The following PRDM16 variants were observed in gnomAD, a reference collection of about 807,000 sequenced individuals.
The protein encoded by PRDM16 is histone-lysine N-methyltransferase PRDM16.
Under a neutral mutation model 110.6 loss-of-function variants are expected in PRDM16, and 23 were observed. The observed-to-expected ratio is 0.21, with a 90% CI of 0.15 to 0.29. The LOEUF (loss-of-function observed/expected upper bound fraction) is 0.29. Among genes scored for constraint, PRDM16 ranks in the 10% least tolerant of loss-of-function variants. The pLI is 1.00. For missense variants in PRDM16, 1,615 were observed against 1,794.3 expected (o/e 0.90, Z 1.81); for synonymous variants, 799 against 781.8 (o/e 1.02, Z -0.37).
intron 5 of PRDM16, among the ~76,000 whole-genome samples, chr1:3,399,552 C>T (rs1051668930): frequency 1.3e-5 from 2 of 152,098 alleles, no homozygotes; most frequent in Non-Finnish European, 2.9e-5. Flanking sequence ...CTGATGGGGG[C>T]CCAGCTCCAT....
intron 3 of PRDM16, among the ~76,000 whole-genome samples, chr1:3,262,034 C>T (rs2100254913): frequency 6.6e-6 from 1 of 152,358 alleles, no homozygotes; most frequent in East Asian, 1.9e-4. Context: ...GAGGGAAGGA[C>T]TGAAAAATCA....
Position 3,290,801 on chromosome 1 carries a change from G to T in PRDM16, c.438+46664G>T, listed in dbSNP as rs1309216833. ...GCAGGCCCTACGAGATCCCTGAAAC[G>T]GGATACGCCGAGCTGAACTTGGCCA... On this transcript the variant is annotated intron_variant, in intron 3 of 16. Transcript: ENST00000270722. The surrounding 1 kb of genome is among the most constrained non-coding windows in gnomAD (Gnocchi z 4.8). Among the ~76,000 whole-genome samples the T allele has an allele frequency of 6.6e-6, 1 of 152,152 alleles. No homozygotes were observed. The highest frequency in any genetic ancestry group is 6.5e-5 in the Admixed American group (1 of 15,282).
intron 2 of PRDM16, among the ~76,000 whole-genome samples, chr1:3,224,499 C>T (rs1639241513): frequency 6.6e-6 from 1 of 151,912 alleles, no homozygotes; most frequent in South Asian, 2.1e-4. Context: ...TCCCTCTCCC[C>T]TTCTGCACGC....
intron 1 of PRDM16, among the ~76,000 whole-genome samples, chr1:3,121,891 G>T (rs955054627): frequency 6.6e-6 from 1 of 152,242 alleles, no homozygotes; most frequent in African/African-American, 2.4e-5. Context: ...AGTACCCTGG[G>T]TGATGTAGTG....
At chr1:3,186,789 G>C (rs1377458167) in intron 2 of PRDM16, among the ~76,000 whole-genome samples, 1 of 152,224 alleles carries the variant, frequency 6.6e-6, no homozygotes, top group Non-Finnish European at 1.5e-5. Flanking sequence ...TGCCATCGCG[G>C]CAGGGCAGGG....
intron 1 of PRDM16, among the ~76,000 whole-genome samples, chr1:3,144,359 C>T (rs953765660): frequency 3.3e-5 from 5 of 152,226 alleles, no homozygotes; most frequent in African/African-American, 9.6e-5. Context: ...TCCTCCCCAT[C>T]CCAGCTGCCC....
At chr1:3,335,641 A>ACACACACACC (rs763183715) in intron 3 of PRDM16, among the ~76,000 whole-genome samples, 173 of 146,500 alleles carry the variant, frequency 1.2e-3, no homozygotes, top group African/African-American at 3.6e-3. Flanking sequence ...ACACACACAC[A>ACACACACACC]CCCTTGGACA....
At chr1:3,239,537 T>C (rs1215256758) in intron 2 of PRDM16, among the ~76,000 whole-genome samples, 2 of 151,824 alleles carry the variant, frequency 1.3e-5, no homozygotes, top group African/African-American at 4.8e-5. Flanking sequence ...ACCCCCCGAC[T>C]CCACCCATAG....
chr1:3,216,843 G>A (rs547785654), intron 2 of PRDM16, among the ~76,000 whole-genome samples: 8 of 152,344 alleles, frequency 5.3e-5, no homozygotes, highest in East Asian at 3.9e-4. Flanking sequence ...CCAGTCATCC[G>A]TGACTGCCAT....
At chr1:3,348,672 C>T (rs924618120) in intron 3 of PRDM16, among the ~76,000 whole-genome samples, 1 of 152,270 alleles carries the variant, frequency 6.6e-6, no homozygotes, top group Admixed American at 6.5e-5. Flanking sequence ...TCAGGTGCCA[C>T]CAAGCCCTGT....
intron 2 of PRDM16, among the ~76,000 whole-genome samples, chr1:3,236,781 G>A (rs1639550070): frequency 6.6e-6 from 1 of 152,234 alleles, no homozygotes; most frequent in Non-Finnish European, 1.5e-5. Context: ...ACCTCTCTGA[G>A]CCCCTTCCTC....
intron 2 of PRDM16, among the ~76,000 whole-genome samples, chr1:3,225,530 CTGTGTGTGTGTGTGTGTGTGTGTGTG>C (rs57169358): frequency 1.2e-4 from 16 of 139,128 alleles, no homozygotes; most frequent in African/African-American, 4.3e-4. Flanking sequence ...TGCAGCTTGC[CTGTGTGTGTGTGTGTGTGTGTGTGTG>C]TGTGTGTGTG....
In PRDM16 at chr1:3,077,431, G is replaced by A. The variant is rs143111804; in HGVS notation, c.37+8135G>A. ...TGTGAAACCAGGTAAAGGTGAGGAC[G>A]CTTTGGAGAATAAAAGTGAGTTTGA... On this transcript the variant is annotated intron_variant, in intron 1 of 16. Transcript: ENST00000270722. Among the ~76,000 whole-genome samples, 506 of 152,308 alleles carry A rather than the reference G, an allele frequency of 3.3e-3. 3 individuals are homozygous for A. The highest frequency in any genetic ancestry group is 0.011 in the African/African-American group (477 of 41,576).
rs781459741 is a variant in PRDM16, at chr1:3,213,607, G to A, written c.387+27133G>A. Among the ~76,000 whole-genome samples the A allele has an allele frequency of 4.6e-5, 7 of 152,232 alleles. No homozygotes were observed. Among genetic ancestry groups the A allele is most frequent in the South Asian group, 2.1e-4 (1 of 4,822 alleles). On this transcript the variant is annotated intron_variant, in intron 2 of 16. Transcript: ENST00000270722. The surrounding 1 kb of genome is among the most constrained non-coding windows in gnomAD (Gnocchi z 5.3). ...TTCTCCGAGGAACAGGAGCAAGTGC[G>A]GCATTCTGGAGGGAGGTGGCACTTG...
At chr1:3,096,424 A>AG (rs1337712243) in intron 1 of PRDM16, among the ~76,000 whole-genome samples, 1 of 152,164 alleles carries the variant, frequency 6.6e-6, no homozygotes, top group Admixed American at 6.5e-5. Context: ...CCATAGGGGA[A>AG]GGAATGAGGT....
intron 3 of PRDM16, among the ~76,000 whole-genome samples, chr1:3,368,767 T>C (rs577305555): frequency 8.5e-5 from 13 of 152,286 alleles, no homozygotes; most frequent in African/African-American, 2.6e-4. Flanking sequence ...GAATAAGTCA[T>C]CTCTGCAGCT....
At chr1:3,144,208 A>C (rs1454514830) in intron 1 of PRDM16, among the ~76,000 whole-genome samples, 2 of 152,246 alleles carry the variant, frequency 1.3e-5, no homozygotes, top group East Asian at 1.9e-4. Flanking sequence ...GCCTGTGGGC[A>C]CCATCACTGC....
intron 5 of PRDM16, among the ~76,000 whole-genome samples, chr1:3,399,974 G>T (rs980312477): frequency 6.6e-6 from 1 of 152,184 alleles, no homozygotes. Context: ...CAATGGTCTT[G>T]GTGCTCAGAT....
In PRDM16 at chr1:3,401,776, C is replaced by T. The variant is rs191085884; in HGVS notation, c.677-1015C>T. 1.9e-3 allele frequency among the ~76,000 whole-genome samples: 293 copies of T among 152,376 alleles called. 1 individual carries two copies. Among genetic ancestry groups the T allele is most frequent in the Non-Finnish European group, 3.2e-3 (217 of 68,040 alleles). The stretch of plus-strand genomic sequence containing the variant: ...ATGCAGACAGAAACACGTGCATTCA[C>T]ACATGCAAAGTATGCACCCACATGA... On this transcript the variant is annotated intron_variant, in intron 5 of 16. Coordinates refer to ENST00000270722, the MANE Select transcript of PRDM16 (RefSeq NM_022114.4).
Sources: gnomAD v4.1 joint callset for allele counts (sites outside exome capture counted in the v4.1 genomes callset) on GRCh38, gnomAD v4.1.1 for gene constraint, Gnocchi (gnomAD v3.1) non-coding constraint, MANE v1.5 for transcripts, NCBI Gene and HGNC (gene_info 2026-07-23, HGNC 2026-07-21) for gene names.